ACBD5: variants seen among roughly 807,000 people sequenced by gnomAD.
ACBD5 encodes acyl-CoA-binding domain-containing protein 5.
A neutral mutation model predicts 71.8 loss-of-function variants in ACBD5; 40 were observed. That is an observed-to-expected ratio of 0.56 (90% CI 0.43 to 0.72). ACBD5 has a LOEUF of 0.72. Ranked by LOEUF, ACBD5 falls within the 30% of genes least tolerant of loss-of-function variation. The pLI, the probability that ACBD5 is intolerant of heterozygous loss-of-function variation, is 0.00. For synonymous variants in ACBD5, 229 were observed against 218.6 expected (o/e 1.05, Z -0.42); for missense variants, 559 against 644.5 (o/e 0.87, Z 1.44).
intron 12 of ACBD5, among the ~76,000 whole-genome samples, chr10:27,199,819 G>A (rs1386461860): frequency 2.0e-5 from 3 of 151,976 alleles, no homozygotes; most frequent in East Asian, 1.9e-4. Flanking sequence ...TATCCTGGCC[G>A]TCTCTACTAA....
chr10:27,185,201 G>A (rs2058610943), intron 13 of ACBD5, among the ~76,000 whole-genome samples: 2 of 152,176 alleles, frequency 1.3e-5, no homozygotes, highest in South Asian at 2.1e-4. Flanking sequence ...CTGCTAAGGA[G>A]CGTGGTGATA....
chr10:27,198,685 G>T (rs2059603202), intron 12 of ACBD5, among the ~76,000 whole-genome samples: 2 of 152,138 alleles, frequency 1.3e-5, no homozygotes, highest in Non-Finnish European at 2.9e-5. Flanking sequence ...AGAGAGATGT[G>T]GGTTGTAAAG....
At chr10:27,186,295 C>A in intron 13 of ACBD5, 5 of 1,325,852 alleles carry the variant, frequency 3.8e-6, no homozygotes, top group Non-Finnish European at 5.4e-6. Context: ...ATATGTGAGA[C>A]ATTCTCTTTT....
rs1260447927 is a variant in ACBD5, at chr10:27,231,819, C to A, written c.304G>T (p.Asp102Tyr). ...FWDPIGRYKW[D>Y]AWSSLGDMTK... ...ATATCACCCAGTGAACTCCAAGCAT[C>A]CCTAGAAATGAAAGTATCCACAAAA... is the stretch of plus-strand genomic sequence containing the variant. Residue 102 changes from aspartate (D) to tyrosine (Y), a missense_variant and splice_region_variant, in exon 4 of 13, where the codon GAT (aspartate) becomes TAT (tyrosine). Transcript: ENST00000396271. 1 of 1,613,198 alleles carries A rather than the reference C, an allele frequency of 6.2e-7. No homozygotes were observed. The highest frequency in any genetic ancestry group is 1.7e-5 in the Admixed American group (1 of 59,992).
At chr10:27,216,239 C>T (rs947607977) in intron 7 of ACBD5, among the ~76,000 whole-genome samples, 1 of 152,028 alleles carries the variant, frequency 6.6e-6, no homozygotes, top group Non-Finnish European at 1.5e-5. Context: ...CTCCTGGGTT[C>T]AAGTGATTCT....
intron 5 of ACBD5, among the ~76,000 whole-genome samples, chr10:27,221,218 T>A (rs1328825839): frequency 6.6e-6 from 1 of 152,236 alleles, no homozygotes; most frequent in Non-Finnish European, 1.5e-5. Context: ...TTTGGTATAT[T>A]ATGTAACACA....
intron 2 of ACBD5, among the ~76,000 whole-genome samples, chr10:27,238,825 A>G (rs1232136054): frequency 6.6e-6 from 1 of 152,252 alleles, no homozygotes; most frequent in Non-Finnish European, 1.5e-5. Context: ...GATATTAAAT[A>G]CTATAGTAAC....
At chr10:27,224,518 T>C (rs6482612) in intron 4 of ACBD5, among the ~76,000 whole-genome samples, 10,451 of 152,200 alleles carry the variant, frequency 0.069, 684 homozygotes, top group African/African-American at 0.17. Context: ...AAAAGTAAAG[T>C]AGGAAATTGT....
At position 27,240,444 on chromosome 10, in the gene ACBD5, A is replaced by G; in HGVS notation, c.56T>C (p.Leu19Pro). Residue 19 changes from leucine (L) to proline (P), a missense_variant, in exon 2 of 13, where the codon CTG becomes CCG. Physicochemically the swap from Leu to Pro is moderately conservative, Grantham distance 98 (BLOSUM62 -3). Coordinates refer to ENST00000396271, the MANE Select transcript of ACBD5 (RefSeq NM_145698.5). This position sits in a 1 kb window ranked among gnomAD's most constrained non-coding sequence, Gnocchi z 4.1. ...GSWESWCCCC[L>P]IPADRPWDRG... Reference sequence around the variant, plus strand: ...GTCCCAAGGTCTGTCGGCGGGAATCAGGCAGCAGCAGCACCAGCTTTCCCA... The same window carrying G: ...GTCCCAAGGTCTGTCGGCGGGAATCGGGCAGCAGCAGCACCAGCTTTCCCA... 6.2e-7 allele frequency: 1 copy of G among 1,613,846 alleles called. No homozygotes were observed. The highest frequency in any genetic ancestry group is 8.5e-7 in the Non-Finnish European group (1 of 1,179,902).
intron 2 of ACBD5, among the ~76,000 whole-genome samples, chr10:27,237,803 T>C (rs980385147): frequency 1.3e-5 from 2 of 151,510 alleles, no homozygotes; most frequent in East Asian, 3.9e-4. Context: ...GTATTTTTAG[T>C]AGAAGTGGGG....
At chr10:27,206,776 A>AT (rs1589054846) in intron 10 of ACBD5, among the ~76,000 whole-genome samples, 1 of 151,780 alleles carries the variant, frequency 6.6e-6, no homozygotes, top group East Asian at 2.0e-4. Context: ...TCGGCCTCCC[A>AT]AAGTGCTGAA....
chr10:27,208,191 C>A, intron 10 of ACBD5, 55 bp downstream of exon 10: 3 of 1,543,834 alleles, frequency 1.9e-6, no homozygotes, highest in Middle Eastern at 1.7e-4. Flanking sequence ...GCAGACTCCA[C>A]ATTGCTTTCC....
chr10:27,189,430 C>A (rs2058965427), intron 13 of ACBD5, among the ~76,000 whole-genome samples: 1 of 152,196 alleles, frequency 6.6e-6, no homozygotes, highest in African/African-American at 2.4e-5. Flanking sequence ...TGCTTGAGGC[C>A]AGGAGTTAGA....
chr10:27,231,430 T>C lies in ACBD5; in HGVS notation c.375+318A>G, dbSNP rs569924679. ...TACTCGGGAGGCTGTGGCAGGAGAA[T>C]TGCTTGAATTTGGAAGGCGGAGATT... On this transcript the variant is annotated intron_variant, in intron 4 of 12. Transcript: ENST00000396271. Among the ~76,000 whole-genome samples, 3 of 152,228 alleles carry C rather than the reference T, an allele frequency of 2.0e-5. No homozygotes were observed. The South Asian group carries it at 6.2e-4, about 32-fold the overall frequency.
chr10:27,200,470 A>G (rs2059807198), intron 12 of ACBD5, among the ~76,000 whole-genome samples: 1 of 149,860 alleles, frequency 6.7e-6, no homozygotes, highest in Admixed American at 6.7e-5. Context: ...TTTGAGATGG[A>G]GTCTCACTGT....
At chr10:27,198,343 T>C (rs1268989628) in intron 12 of ACBD5, among the ~76,000 whole-genome samples, 1 of 152,194 alleles carries the variant, frequency 6.6e-6, no homozygotes, top group Non-Finnish European at 1.5e-5. Context: ...AAGGCTGAGC[T>C]TGTTAGCACC....
intron 10 of ACBD5, among the ~76,000 whole-genome samples, chr10:27,207,149 G>A (rs550308676): frequency 2.8e-4 from 43 of 151,836 alleles, no homozygotes; most frequent in South Asian, 1.7e-3. Context: ...GGTGGCGTGC[G>A]CCTGTAGTCT....
At chr10:27,194,391 A>T (rs1588910326), downstream of ACBD5, among the ~76,000 whole-genome samples, 1 of 151,476 alleles carries the variant, frequency 6.6e-6, no homozygotes, top group Non-Finnish European at 1.5e-5. Flanking sequence ...CAGGAAGATC[A>T]CCTGAGGTCA....
intron 3 of ACBD5, among the ~76,000 whole-genome samples, chr10:27,233,383 G>A (rs1333470174): frequency 4.7e-5 from 7 of 149,914 alleles, no homozygotes; most frequent in Non-Finnish European, 8.9e-5. Flanking sequence ...CCAAGATCGC[G>A]CCACTGCACT....
Sources: allele counts gnomAD v4.1 joint callset (sites outside exome capture counted in the v4.1 genomes callset), GRCh38; gene constraint gnomAD v4.1.1; non-coding constraint Gnocchi (gnomAD v3.1); transcripts MANE v1.5; gene names NCBI Gene and HGNC (gene_info 2026-07-23, HGNC 2026-07-21).